The following ARHGAP24 variants were observed in gnomAD, a reference collection of about 807,000 sequenced individuals.
ARHGAP24 encodes rho GTPase-activating protein 24.
Under a neutral mutation model 76.4 loss-of-function variants are expected in ARHGAP24, and 50 were observed. That is an observed-to-expected ratio of 0.65 (90% CI 0.52 to 0.83). The LOEUF (loss-of-function observed/expected upper bound fraction) is 0.83, where lower values mean the gene tolerates loss of function less well. Ranked by LOEUF, ARHGAP24 falls within the 40% of genes least tolerant of loss-of-function variation. ARHGAP24 has a pLI of 0.00. For missense variants in ARHGAP24, 930 were observed against 914.2 expected, an observed-to-expected ratio of 1.02 and a Z score of -0.22; for synonymous variants, 345 against 323.3, an observed-to-expected ratio of 1.07 and a Z score of -0.72.
chr4:85,583,746 G>GAA (rs1214920764), intron 2 of ARHGAP24, among the ~76,000 whole-genome samples: 4 of 122,820 alleles, frequency 3.3e-5, no homozygotes, highest in African/African-American at 1.2e-4. Flanking sequence ...AAATTTACAA[G>GAA]AAAAAAAAAA....
intron 1 of ARHGAP24, among the ~76,000 whole-genome samples, chr4:85,501,054 C>CT (rs1723791761): frequency 6.6e-6 from 1 of 152,070 alleles, no homozygotes; most frequent in Non-Finnish European, 1.5e-5. Context: ...TGAACTCATC[C>CT]TTTTTTATGT....
At chr4:85,675,683 T>TGTAA (rs1722955997) in intron 2 of ARHGAP24, among the ~76,000 whole-genome samples, 1 of 152,204 alleles carries the variant, frequency 6.6e-6, no homozygotes. Flanking sequence ...ATTCCAACCA[T>TGTAA]GTAAGGGCTT....
At chr4:85,646,634 CTA>C (rs920367770) in intron 2 of ARHGAP24, among the ~76,000 whole-genome samples, 19 of 152,104 alleles carry the variant, frequency 1.2e-4, no homozygotes, top group African/African-American at 4.6e-4. Context: ...ATCCAATTAA[CTA>C]TATTTATTTA....
intron 5 of ARHGAP24, among the ~76,000 whole-genome samples, chr4:85,967,214 C>T (rs1738673284): frequency 6.6e-6 from 1 of 152,072 alleles, no homozygotes. Context: ...CTAGCAGAAA[C>T]TCAGCAGTTA....
chr4:85,610,371 G>A (rs1720339203), intron 2 of ARHGAP24, among the ~76,000 whole-genome samples: 3 of 149,016 alleles, frequency 2.0e-5, no homozygotes, highest in Admixed American at 6.8e-5. Context: ...GTGAACCTGG[G>A]AGGTGGAGCT....
intron 3 of ARHGAP24, among the ~76,000 whole-genome samples, chr4:85,848,242 G>A (rs1730998555): frequency 6.6e-6 from 1 of 152,126 alleles, no homozygotes; most frequent in African/African-American, 2.4e-5. Flanking sequence ...ATGCAGGTTT[G>A]TTACATATAT....
chr4:85,626,171 G>A (rs1186875217), intron 2 of ARHGAP24, among the ~76,000 whole-genome samples: 1 of 152,140 alleles, frequency 6.6e-6, no homozygotes, highest in African/African-American at 2.4e-5. Context: ...AGCCTTGATG[G>A]TCTTTACAAT....
chr4:85,669,710 A>G (rs1374594642), intron 2 of ARHGAP24, among the ~76,000 whole-genome samples: 2 of 142,584 alleles, frequency 1.4e-5, no homozygotes, highest in Non-Finnish European at 3.1e-5. Flanking sequence ...ATATAGCTAT[A>G]TTACAAACTT....
chr4:85,627,103 C>G (rs1317681905), intron 2 of ARHGAP24, among the ~76,000 whole-genome samples: 1 of 152,166 alleles, frequency 6.6e-6, no homozygotes, highest in African/African-American at 2.4e-5. Context: ...CAGCTTTGTT[C>G]TATTGCTGGT....
intron 2 of ARHGAP24, among the ~76,000 whole-genome samples, chr4:85,583,667 G>C (rs1419545426): frequency 1.3e-5 from 2 of 151,302 alleles, no homozygotes; most frequent in Non-Finnish European, 2.9e-5. Flanking sequence ...CCTACAAAAT[G>C]GGAGAAAATT....
intron 1 of ARHGAP24, among the ~76,000 whole-genome samples, chr4:85,564,496 C>A (rs1338197438): frequency 6.6e-6 from 1 of 150,800 alleles, no homozygotes; most frequent in Non-Finnish European, 1.5e-5. Flanking sequence ...ACATATGTAA[C>A]AAACCTGCAT....
At chr4:85,922,697 C>T (rs1024563073) in intron 3 of ARHGAP24, among the ~76,000 whole-genome samples, 8 of 152,284 alleles carry the variant, frequency 5.3e-5, no homozygotes, top group African/African-American at 1.4e-4. Flanking sequence ...TTCAGAAATA[C>T]TCCTTTAAAC....
chr4:85,765,740 C>T (rs796284996), intron 3 of ARHGAP24, among the ~76,000 whole-genome samples: 31 of 152,144 alleles, frequency 2.0e-4, no homozygotes, highest in African/African-American at 7.0e-4. Flanking sequence ...AAAATACTCC[C>T]TAATTCTAGG....
intron 1 of ARHGAP24, among the ~76,000 whole-genome samples, chr4:85,560,761 A>C (rs1043443407): frequency 6.6e-6 from 1 of 152,188 alleles, no homozygotes; most frequent in Admixed American, 6.5e-5. Flanking sequence ...GCATCCAGTG[A>C]GACAAATGGC....
intron 3 of ARHGAP24, among the ~76,000 whole-genome samples, chr4:85,862,528 AG>A (rs1172249043): frequency 6.6e-6 from 1 of 152,052 alleles, no homozygotes; most frequent in Non-Finnish European, 1.5e-5. Context: ...ATTCATCCAC[AG>A]GGACTCATAT....
At chr4:85,808,146 A>G (rs1728870517) in intron 3 of ARHGAP24, among the ~76,000 whole-genome samples, 1 of 152,198 alleles carries the variant, frequency 6.6e-6, no homozygotes, top group African/African-American at 2.4e-5. Flanking sequence ...CCAATTCGAA[A>G]AAAATATGCT....
chr4:85,790,274 C>T (rs1403287289), intron 3 of ARHGAP24, among the ~76,000 whole-genome samples: 2 of 152,230 alleles, frequency 1.3e-5, no homozygotes, highest in East Asian at 3.9e-4. Flanking sequence ...TCCCATGTAG[C>T]ACACAAATCA....
chr4:85,840,374 C>T (rs566681865), intron 3 of ARHGAP24, among the ~76,000 whole-genome samples: 9 of 152,254 alleles, frequency 5.9e-5, no homozygotes, highest in South Asian at 2.1e-4. Flanking sequence ...CTTTAAGCCC[C>T]GGGCTAGTCT....
At chr4:85,548,903 T>A (rs10029852) in intron 1 of ARHGAP24, among the ~76,000 whole-genome samples, 106,336 of 151,888 alleles carry the variant, frequency 0.7, 38,440 homozygotes, top group African/African-American at 0.82. Flanking sequence ...AACTTCTATT[T>A]ATGGAATCGT....
Sources: allele counts gnomAD v4.1 joint callset (sites outside exome capture counted in the v4.1 genomes callset), GRCh38; gene constraint gnomAD v4.1.1; transcripts MANE v1.5; gene names NCBI Gene and HGNC (gene_info 2026-07-23, HGNC 2026-07-21).